The following SEC63 variants were observed in gnomAD, a reference collection of about 807,000 sequenced individuals.
The protein encoded by SEC63 is SEC63 protein translocation regulator.
SEC63 carries 56 observed loss-of-function variants against 116.2 expected under a neutral mutation model. The observed-to-expected ratio is 0.48, with a 90% CI of 0.39 to 0.60. The LOEUF (loss-of-function observed/expected upper bound fraction) is 0.60. SEC63 is among the 20% of genes least tolerant of loss of function. The pLI, the probability that SEC63 is intolerant of heterozygous loss-of-function variation, is 0.00. For missense variants in SEC63, 668 were observed against 900.0 expected (o/e 0.74, Z 3.30); for synonymous variants, 273 against 294.6 (o/e 0.93, Z 0.75).
chr6:107,935,373 G>T lies in SEC63; in HGVS notation c.125-5859C>A, dbSNP rs1770210939. On this transcript the variant is annotated intron_variant, in intron 1 of 20. Coordinates refer to ENST00000369002, the MANE Select transcript of SEC63 (RefSeq NM_007214.5). ...AGGGGGGAAAGGTGGGGAAAAGATT[G>T]GGAAATCGGATGGTTGCCGTGTCTG... is the stretch of plus-strand genomic sequence containing the variant. Among the ~76,000 whole-genome samples the T allele has an allele frequency of 5.3e-5, 8 of 151,752 alleles. No individual in the cohort carries two copies. The South Asian group carries it at 1.5e-3, about 28-fold the overall frequency.
chr6:107,921,911 T>C lies in SEC63; in HGVS notation c.340-2A>G. 2 of 1,258,602 alleles carry C rather than the reference T, an allele frequency of 1.6e-6. No individual in the cohort carries two copies. The highest frequency in any genetic ancestry group is 2.2e-6 in the Non-Finnish European group (2 of 905,826). 78.0% of individuals were successfully genotyped at this position (1,258,602 alleles called of 1,614,324 possible). A position where few individuals can be genotyped will look rare whatever the true frequency, so the allele number is the denominator to read the frequency against. Reference sequence around the variant, plus strand: ...TTTAATTTCTGCTACTGTGGCTCCCTGGGGAAAAACAAAAAAAAAAAACAA... The same window carrying C: ...TTTAATTTCTGCTACTGTGGCTCCCCGGGGAAAAACAAAAAAAAAAAACAA... On this transcript the variant is annotated splice_acceptor_variant, in intron 3 of 20. Coordinates refer to ENST00000369002, the MANE Select transcript of SEC63 (RefSeq NM_007214.5). LOFTEE classifies it high-confidence loss of function.
chr6:107,882,770 C>T (rs1296210780), intron 17 of SEC63, among the ~76,000 whole-genome samples: 4 of 152,194 alleles, frequency 2.6e-5, no homozygotes, highest in East Asian at 1.9e-4. Flanking sequence ...TTTAAGAAAA[C>T]GAGGATTTCC....
chr6:107,943,272 A>C (rs1246963702), intron 1 of SEC63, among the ~76,000 whole-genome samples: 1 of 152,236 alleles, frequency 6.6e-6, no homozygotes, highest in Non-Finnish European at 1.5e-5. Flanking sequence ...TCTCAACTGC[A>C]AATGGCTCCA....
intron 4 of SEC63, among the ~76,000 whole-genome samples, chr6:107,914,400 C>A (rs1299058983): frequency 6.6e-6 from 1 of 152,062 alleles, no homozygotes; most frequent in East Asian, 1.9e-4. Context: ...TTCTATTTAA[C>A]AAAACTCCAA....
intron 8 of SEC63, 134 bp from the exon 9 acceptor site, chr6:107,906,911 C>T: frequency 1.4e-6 from 1 of 704,934 alleles, no homozygotes; most frequent in Non-Finnish European, 2.5e-6. Flanking sequence ...CTGAACTCCA[C>T]TGACAAGTAT....
At chr6:107,909,109 T>C in intron 7 of SEC63, 74 bp from the exon 8 acceptor site, 1 of 1,041,600 alleles carries the variant, frequency 9.6e-7, no homozygotes, top group Non-Finnish European at 1.5e-6. Flanking sequence ...GGCTCATTCC[T>C]GTAATCCCAG....
In SEC63 at chr6:107,929,514, T is replaced by C; in HGVS notation, c.125A>G (p.Glu42Gly). The part of the protein sequence containing the change: ...YYLWPRDQNA[E>G]QIRLKNIRKV... ...TCTGATATTCTTTAATCGAATTTGCTCTGTCAAGAAAGAAAAATAAGATGA... is the reference window on the plus strand; with the variant it reads ...TCTGATATTCTTTAATCGAATTTGCCCTGTCAAGAAAGAAAAATAAGATGA... Residue 42 changes from glutamate to glycine, a missense_variant and splice_region_variant, in exon 2 of 21, where the codon GAG becomes GGG. Glu to Gly is a moderately conservative substitution (Grantham distance 98, BLOSUM62 -2). Transcript: ENST00000369002. 6.4e-7 allele frequency: 1 copy of C among 1,566,226 alleles called. No homozygotes were observed. The highest frequency in any genetic ancestry group is 8.8e-7 in the Non-Finnish European group (1 of 1,137,156).
chr6:107,911,319 A>C lies in SEC63; in HGVS notation c.624+27T>G, dbSNP rs773374189. On this transcript the variant is annotated intron_variant, in intron 7 of 20. Coordinates refer to ENST00000369002, the MANE Select transcript of SEC63 (RefSeq NM_007214.5). ...CATGTCAATCTCCTTTCCAAAAAAA[A>C]CATTAACTTAAAAAGCTAAAACTTA... 2.6e-6 allele frequency: 4 copies of C among 1,518,772 alleles called. No individual in the cohort carries two copies. The Admixed American group carries it at 5.0e-5, about 19-fold the overall frequency. The allele number at this position is 1,518,772 out of a possible 1,614,324, so 94.1% of individuals were successfully genotyped here.
chr6:107,910,735 A>G (rs1787264174), intron 7 of SEC63, among the ~76,000 whole-genome samples: 1 of 152,138 alleles, frequency 6.6e-6, no homozygotes, highest in African/African-American at 2.4e-5. Context: ...ATATGTATAT[A>G]TGTATCTGTG....
intron 4 of SEC63, among the ~76,000 whole-genome samples, chr6:107,916,266 T>C (rs562404237): frequency 1.3e-5 from 2 of 152,342 alleles, no homozygotes; most frequent in East Asian, 3.9e-4. Flanking sequence ...GAGTAAATGC[T>C]TGAAGGAGAC....
chr6:107,948,000 C>T (rs530196647), intron 1 of SEC63, among the ~76,000 whole-genome samples: 2 of 152,278 alleles, frequency 1.3e-5, no homozygotes, highest in South Asian at 2.1e-4. Flanking sequence ...CTGAGTTGGT[C>T]GTAAGTGCCA....
chr6:107,880,274 T>C (rs1249649782), intron 18 of SEC63, among the ~76,000 whole-genome samples: 1 of 152,194 alleles, frequency 6.6e-6, no homozygotes, highest in Non-Finnish European at 1.5e-5. Context: ...AAACTCTAGA[T>C]TGACATCCTC....
At chr6:107,898,256 CAAA>C (rs10602741) in intron 13 of SEC63, among the ~76,000 whole-genome samples, 28 of 135,166 alleles carry the variant, frequency 2.1e-4, no homozygotes, top group African/African-American at 1.9e-4. Flanking sequence ...GACCCCATCT[CAAA>C]AAAAAAAAAA....
chr6:107,945,508 G>A (rs1047677089), intron 1 of SEC63, among the ~76,000 whole-genome samples: 1 of 151,816 alleles, frequency 6.6e-6, no homozygotes, highest in Non-Finnish European at 1.5e-5. Flanking sequence ...GGCTCACTAT[G>A]TTGGCCAGGA....
chr6:107,909,241 G>T, intron 7 of SEC63: 1 of 453,854 alleles, frequency 2.2e-6, no homozygotes, highest in Non-Finnish European at 4.0e-6. Flanking sequence ...AGCTGGGCAT[G>T]GTGGCACATG....
At chr6:107,903,046 T>C (rs1244254049) in intron 11 of SEC63, 48 bp from the exon 12 acceptor site, 11 of 1,594,632 alleles carry the variant, frequency 6.9e-6, no homozygotes, top group Non-Finnish European at 9.5e-6. Flanking sequence ...TTTTTACATG[T>C]TCAGGAGTAT....
At chr6:107,889,558 T>C (rs116230867) in intron 16 of SEC63, among the ~76,000 whole-genome samples, 5,854 of 152,266 alleles carry the variant, frequency 0.038, 359 homozygotes, top group African/African-American at 0.13. Context: ...TCATTGATTT[T>C]TTTTTAAGTG....
chr6:107,914,672 A>C (rs1361226475), intron 4 of SEC63, among the ~76,000 whole-genome samples: 2 of 152,146 alleles, frequency 1.3e-5, no homozygotes, highest in Non-Finnish European at 2.9e-5. Flanking sequence ...TCTTTTCAAA[A>C]TTGAGGGATG....
At chr6:107,906,897 T>C (rs1787160494) in intron 8 of SEC63, 120 bp from the exon 9 acceptor site, 1 of 750,578 alleles carries the variant, frequency 1.3e-6, no homozygotes, top group Non-Finnish European at 2.3e-6. Context: ...ATGCTAAAAA[T>C]TATCTGAACT....
Sources: allele counts gnomAD v4.1 joint callset (sites outside exome capture counted in the v4.1 genomes callset), GRCh38; gene constraint gnomAD v4.1.1; transcripts MANE v1.5; gene names NCBI Gene and HGNC (gene_info 2026-07-23, HGNC 2026-07-21).